The following KIAA1217 variants were observed in gnomAD, a reference collection of about 807,000 sequenced individuals.
KIAA1217 encodes the protein sickle tail protein homolog.
KIAA1217 carries 88 observed loss-of-function variants against 163.9 expected under a neutral mutation model. The ratio of observed to expected loss-of-function variants is 0.54; its 90% confidence interval spans 0.45 to 0.64. The LOEUF (loss-of-function observed/expected upper bound fraction) is 0.64, where lower values mean the gene tolerates loss of function less well. Ranked by LOEUF, KIAA1217 falls within the 30% of genes least tolerant of loss-of-function variation. KIAA1217 has a pLI of 0.00. For missense variants in KIAA1217, 2,372 were observed against 2,475.0 expected (o/e 0.96, Z 0.88); for synonymous variants, 903 against 923.1 (o/e 0.98, Z 0.39).
At chr10:23,883,134 G>T (rs545481657) in intron 1 of KIAA1217, among the ~76,000 whole-genome samples, 21 of 152,078 alleles carry the variant, frequency 1.4e-4, no homozygotes, top group Non-Finnish European at 2.8e-4. Flanking sequence ...CATTTCAAGA[G>T]TCAGCCAAAT....
intron 2 of KIAA1217, among the ~76,000 whole-genome samples, chr10:24,151,216 T>C (rs117143110): frequency 0.017 from 2,657 of 152,148 alleles, 27 homozygotes; most frequent in Middle Eastern, 0.058. Flanking sequence ...GGGAAGAACA[T>C]ATTAAAGCCA....
At chr10:24,103,433 G>T (rs914108468) in intron 2 of KIAA1217, among the ~76,000 whole-genome samples, 18 of 152,124 alleles carry the variant, frequency 1.2e-4, no homozygotes, top group Admixed American at 5.2e-4. Flanking sequence ...TCTGCTCTCT[G>T]AAAGACAATG....
chr10:24,125,099 C>G (rs1022431963), intron 2 of KIAA1217, among the ~76,000 whole-genome samples: 1 of 151,998 alleles, frequency 6.6e-6, no homozygotes, highest in Non-Finnish European at 1.5e-5. Context: ...CGGTAAAACC[C>G]CGTCTCCACT....
At chr10:24,309,063 C>T (rs184592285) in intron 2 of KIAA1217, among the ~76,000 whole-genome samples, 55 of 135,868 alleles carry the variant, frequency 4.0e-4, no homozygotes, top group Non-Finnish European at 6.9e-4. Flanking sequence ...GCGGAGGTTG[C>T]AGTGAGCTGA....
intron 1 of KIAA1217, among the ~76,000 whole-genome samples, chr10:23,973,851 C>G (rs1394723299): frequency 1.3e-5 from 2 of 151,956 alleles, no homozygotes; most frequent in African/African-American, 4.8e-5. Flanking sequence ...AAAAAAAAAC[C>G]CTCTCATTTC....
chr10:24,114,461 C>T (rs191793253), intron 2 of KIAA1217, among the ~76,000 whole-genome samples: 2 of 152,182 alleles, frequency 1.3e-5, no homozygotes, highest in African/African-American at 2.4e-5. Flanking sequence ...ACAGACCCCC[C>T]CTGTTGCAGC....
chr10:24,194,668 A>G, intron 2 of KIAA1217, among the ~76,000 whole-genome samples: 1 of 150,646 alleles, frequency 6.6e-6, no homozygotes, highest in Non-Finnish European at 1.5e-5. Context: ...TGATCTTCCC[A>G]TCTCAGCCAG....
intron 1 of KIAA1217, among the ~76,000 whole-genome samples, chr10:23,768,803 G>C (rs541562964): frequency 3.9e-5 from 6 of 152,260 alleles, no homozygotes; most frequent in Admixed American, 3.3e-4. Flanking sequence ...GGCTGAACTT[G>C]CCTCATGGGA....
intron 2 of KIAA1217, among the ~76,000 whole-genome samples, chr10:24,284,754 C>T (rs2078362276): frequency 1.3e-5 from 2 of 151,990 alleles, no homozygotes; most frequent in South Asian, 4.1e-4. Flanking sequence ...GGGTATATAC[C>T]CAATAAGGAG....
rs112073881 is a variant in KIAA1217, at chr10:24,123,270, A to G, written c.-170-96356A>G. Among the ~76,000 whole-genome samples the G allele has an allele frequency of 1.7e-3, 252 of 152,072 alleles. 1 individual carries two copies. The highest frequency in any genetic ancestry group is 3.9e-3 in the Admixed American group (59 of 15,240). Reference sequence around the variant, plus strand: ...AAAGCATAGTCCATATTCTTTTGTAACTTTGTTTACATTCAACATTATTTT... The same window carrying G: ...AAAGCATAGTCCATATTCTTTTGTAGCTTTGTTTACATTCAACATTATTTT... On this transcript the variant is annotated intron_variant, in intron 2 of 18. Coordinates refer to the KIAA1217 transcript ENST00000376462.
intron 2 of KIAA1217, among the ~76,000 whole-genome samples, chr10:24,302,344 C>T (rs1346889462): frequency 1.3e-5 from 2 of 152,232 alleles, no homozygotes; most frequent in South Asian, 4.1e-4. Context: ...TTCCTTAGCT[C>T]AGAACTCTGA....
rs185639325 is a variant in KIAA1217 at position 24,148,983 on chromosome 10, A to G, written c.-170-70643A>G. On this transcript the variant is annotated intron_variant, in intron 2 of 18. Transcript: ENST00000376462. ...GTTTTTTACTTTTTGTTGACAACAG[A>G]TAAGCTCATTCTGTGTTGAGGTGAG... Among the ~76,000 whole-genome samples, 9 of 152,274 alleles carry G rather than the reference A, an allele frequency of 5.9e-5. No homozygotes were observed. The East Asian group carries it at 7.7e-4, about 13-fold the overall frequency.
intron 2 of KIAA1217, among the ~76,000 whole-genome samples, chr10:24,124,854 A>G (rs2063410363): frequency 6.6e-6 from 1 of 152,196 alleles, no homozygotes; most frequent in Admixed American, 6.5e-5. Flanking sequence ...ATATTCATAA[A>G]TGAGACTTAC....
At chr10:24,113,194 G>A (rs2062924651) in intron 2 of KIAA1217, among the ~76,000 whole-genome samples, 1 of 152,098 alleles carries the variant, frequency 6.6e-6, no homozygotes, top group Non-Finnish European at 1.5e-5. Context: ...CGGTCACACA[G>A]GCATTCAATG....
intron 6 of KIAA1217, among the ~76,000 whole-genome samples, chr10:24,479,731 T>A (rs2064425608): frequency 6.6e-6 from 1 of 152,142 alleles, no homozygotes; most frequent in African/African-American, 2.4e-5. Flanking sequence ...GGCAAGGCCT[T>A]TTGTGCTGCA....
intron 2 of KIAA1217, among the ~76,000 whole-genome samples, chr10:24,032,178 T>G (rs1848214807): frequency 6.6e-6 from 1 of 152,184 alleles, no homozygotes; most frequent in South Asian, 2.1e-4. Flanking sequence ...ATTATACCAA[T>G]GAAATCCCAT....
At chr10:23,922,160 C>A (rs974540115) in intron 1 of KIAA1217, among the ~76,000 whole-genome samples, 3 of 152,080 alleles carry the variant, frequency 2.0e-5, no homozygotes, top group African/African-American at 7.2e-5. Context: ...ATCATGCCTG[C>A]ATAATGCAAC....
At chr10:24,224,497 A>AC (rs2070172805) in intron 2 of KIAA1217, among the ~76,000 whole-genome samples, 1 of 151,210 alleles carries the variant, frequency 6.6e-6, no homozygotes. Context: ...GCACCACCAT[A>AC]CACCATACCC....
chr10:24,095,175 C>T (rs1255762652), intron 2 of KIAA1217, among the ~76,000 whole-genome samples: 1 of 152,224 alleles, frequency 6.6e-6, no homozygotes, highest in Admixed American at 6.5e-5. Context: ...CTCCCTGACC[C>T]CTTGCGCTTC....
Sources: allele counts gnomAD v4.1 joint callset (sites outside exome capture counted in the v4.1 genomes callset), GRCh38; gene constraint gnomAD v4.1.1; transcripts MANE v1.5; gene names NCBI Gene and HGNC (gene_info 2026-07-23, HGNC 2026-07-21).